The following PATJ variants were observed in gnomAD, a reference collection of about 807,000 sequenced individuals.
The protein encoded by PATJ is PATJ crumbs cell polarity complex component, also known as inaD-like protein.
PATJ carries 190 observed loss-of-function variants against 224.9 expected under a neutral mutation model. That is an observed-to-expected ratio of 0.84 (90% CI 0.75 to 0.95). PATJ has a LOEUF of 0.95. PATJ is among the 40% of genes least tolerant of loss of function. The probability of loss-of-function intolerance (pLI) is 0.00; values close to 1 mark genes in which losing one functional copy is unlikely to be tolerated. For missense variants in PATJ, 2,121 were observed against 2,270.3 expected, an observed-to-expected ratio of 0.93 and a Z score of 1.34; for synonymous variants, 769 against 820.3, an observed-to-expected ratio of 0.94 and a Z score of 1.07.
chr1:62,158,297 C>T (rs1235362490), intron 43 of PATJ, among the ~76,000 whole-genome samples: 1 of 149,382 alleles, frequency 6.7e-6, no homozygotes, highest in African/African-American at 2.4e-5. Flanking sequence ...TGCTCATCAA[C>T]CAAGCACTGC....
At chr1:62,013,170 T>G (rs1646553496) in intron 28 of PATJ, among the ~76,000 whole-genome samples, 1 of 152,264 alleles carries the variant, frequency 6.6e-6, no homozygotes. Context: ...CGATCTGCTT[T>G]CTTCATTTGG....
At chr1:61,942,424 A>T (rs1358775837) in intron 27 of PATJ, among the ~76,000 whole-genome samples, 1 of 152,226 alleles carries the variant, frequency 6.6e-6, no homozygotes, top group African/African-American at 2.4e-5. Flanking sequence ...GGAAATGCAA[A>T]CTAAAATCAC....
At chr1:61,800,126 G>A (rs760817471) in intron 11 of PATJ, among the ~76,000 whole-genome samples, 10 of 152,120 alleles carry the variant, frequency 6.6e-5, no homozygotes, top group African/African-American at 1.2e-4. Flanking sequence ...GGAGTTACTG[G>A]GTCAAATTGT....
At chr1:61,792,088 A>T (rs1649993326) in intron 9 of PATJ, among the ~76,000 whole-genome samples, 1 of 152,128 alleles carries the variant, frequency 6.6e-6, no homozygotes, top group African/African-American at 2.4e-5. Context: ...TAAAATGTTC[A>T]ATTTTTTTTA....
intron 30 of PATJ, among the ~76,000 whole-genome samples, chr1:62,043,810 C>T (rs1422002536): frequency 6.6e-6 from 1 of 152,060 alleles, no homozygotes; most frequent in Non-Finnish European, 1.5e-5. Flanking sequence ...TCACTGCATC[C>T]TCGACCTCCC....
chr1:62,070,274 A>G (rs1335536355), intron 31 of PATJ, among the ~76,000 whole-genome samples: 1 of 152,188 alleles, frequency 6.6e-6, no homozygotes, highest in East Asian at 1.9e-4. Context: ...AAAAATTCCC[A>G]TGAGCCTTAT....
intron 29 of PATJ, among the ~76,000 whole-genome samples, chr1:62,019,004 GGAGGATCACCT>G (rs1336164195): frequency 2.6e-5 from 4 of 152,148 alleles, no homozygotes; most frequent in Admixed American, 6.5e-5. Flanking sequence ...CAGCACTTTG[GGAGGATCACCT>G]GAGGATCACC....
At chr1:61,909,695 T>G (rs983320104) in intron 25 of PATJ, among the ~76,000 whole-genome samples, 1 of 152,212 alleles carries the variant, frequency 6.6e-6, no homozygotes, top group African/African-American at 2.4e-5. Context: ...ACATATGCAC[T>G]TCTAACTGCA....
chr1:62,058,009 A>T (rs1478340799), intron 31 of PATJ, among the ~76,000 whole-genome samples: 3 of 152,162 alleles, frequency 2.0e-5, no homozygotes. Context: ...TTTTTCAAAA[A>T]TTTTCAGAAT....
intron 29 of PATJ, among the ~76,000 whole-genome samples, chr1:62,037,324 G>C (rs1289643358): frequency 6.6e-6 from 1 of 152,104 alleles, no homozygotes; most frequent in Non-Finnish European, 1.5e-5. Context: ...AATAGGTCCA[G>C]ATAATCAGAA....
intron 27 of PATJ, among the ~76,000 whole-genome samples, chr1:61,973,932 G>C (rs1683314238): frequency 6.6e-6 from 1 of 151,888 alleles, no homozygotes; most frequent in Non-Finnish European, 1.5e-5. Flanking sequence ...GGCATTTTGA[G>C]CTGGGATAGG....
chr1:62,140,481 C>T (rs1029267315), intron 41 of PATJ, among the ~76,000 whole-genome samples: 4 of 152,074 alleles, frequency 2.6e-5, no homozygotes, highest in East Asian at 1.9e-4. Context: ...GGTGAAACCC[C>T]GTCTCTACTA....
rs767058936 is a variant in PATJ at position 61,752,245 on chromosome 1, G to C, written c.-36+9690G>C. On this transcript the variant is annotated intron_variant, in intron 1 of 43. Transcript: ENST00000642238. Reference sequence around the variant, plus strand: ...GATATGCATTGGTTAACTTTGAATAGTTTAATGAGAAAATTAGCATGAGTT... The same window carrying C: ...GATATGCATTGGTTAACTTTGAATACTTTAATGAGAAAATTAGCATGAGTT... 6.9e-4 allele frequency among the ~76,000 whole-genome samples: 104 copies of C among 149,880 alleles called. 1 individual carries two copies. Among genetic ancestry groups the C allele is most frequent in the Non-Finnish European group, 1.1e-3 (71 of 67,488 alleles).
At chr1:62,052,483 T>C (rs989488017) in intron 31 of PATJ, among the ~76,000 whole-genome samples, 2 of 148,278 alleles carry the variant, frequency 1.3e-5, no homozygotes, top group South Asian at 4.3e-4. Flanking sequence ...GACTCAAGCC[T>C]ATAATCCCAG....
intron 31 of PATJ, among the ~76,000 whole-genome samples, chr1:62,067,123 C>CTTTTTTTTT (rs11381578): frequency 2.7e-4 from 31 of 116,434 alleles, no homozygotes; most frequent in Non-Finnish European, 4.2e-4. Flanking sequence ...CCTATTCTTT[C>CTTTTTTTTT]TTTTTTTTTT....
chr1:61,766,191 GTATC>G (rs1344178463), intron 3 of PATJ, 84 bp from the exon 4 acceptor site: 18 of 835,336 alleles, frequency 2.2e-5, no homozygotes, highest in Non-Finnish European at 3.1e-5. Flanking sequence ...AATGTGCAAA[GTATC>G]TATGTAATGG....
intron 27 of PATJ, among the ~76,000 whole-genome samples, chr1:61,928,154 T>A (rs1348071616): frequency 6.6e-6 from 1 of 152,192 alleles, no homozygotes; most frequent in Non-Finnish European, 1.5e-5. Flanking sequence ...CTGGGTTGGA[T>A]GTAGATTTCA....
intron 29 of PATJ, among the ~76,000 whole-genome samples, chr1:62,025,402 T>A (rs773713298): frequency 4.6e-5 from 7 of 152,150 alleles, no homozygotes; most frequent in Non-Finnish European, 8.8e-5. Context: ...AGGGTGAGGA[T>A]CCCAGCACAT....
rs1007467476 is a variant in PATJ, at chr1:62,161,832, T to A, written c.*778T>A. On this transcript the variant is annotated 3_prime_UTR_variant, in exon 44 of 44. Coordinates refer to ENST00000642238, the MANE Select transcript of PATJ (RefSeq NM_001350145.3). ...ACTCATGATTTACTTATGCTAATTGTCTCTTCAAGTAAGCAAGAAAACATT... is the reference window on the plus strand; with the variant it reads ...ACTCATGATTTACTTATGCTAATTGACTCTTCAAGTAAGCAAGAAAACATT... 1 of 152,218 alleles carries A rather than the reference T, an allele frequency of 6.6e-6. No homozygotes were observed. Among genetic ancestry groups the A allele is most frequent in the African/African-American group, 2.4e-5 (1 of 41,464 alleles). The allele number at this position is 152,218 out of a possible 1,614,324, so 9.4% of individuals were successfully genotyped here. A position where few individuals can be genotyped will look rare whatever the true frequency, so the allele number is the denominator to read the frequency against.
Sources: gnomAD v4.1 joint callset for allele counts (sites outside exome capture counted in the v4.1 genomes callset) on GRCh38, gnomAD v4.1.1 for gene constraint, MANE v1.5 for transcripts, NCBI Gene and HGNC (gene_info 2026-07-23, HGNC 2026-07-21) for gene names.